CDH13: variants seen among roughly 807,000 people sequenced by gnomAD.
CDH13 encodes cadherin-13.
A neutral mutation model predicts 63.8 loss-of-function variants in CDH13; 24 were observed. That is an observed-to-expected ratio of 0.38 (90% CI 0.27 to 0.53). The LOEUF is 0.53. Among genes scored for constraint, CDH13 ranks in the 20% least tolerant of loss-of-function variants. The pLI is 0.85. For missense variants in CDH13, 1,049 were observed against 903.1 expected, an observed-to-expected ratio of 1.16 and a Z score of -2.07; for synonymous variants, 503 against 355.3, an observed-to-expected ratio of 1.42 and a Z score of -4.67.
intron 3 of CDH13, among the ~76,000 whole-genome samples, chr16:83,120,386 T>C (rs7198052): frequency 6.6e-6 from 1 of 151,964 alleles, no homozygotes; most frequent in Admixed American, 6.5e-5. Context: ...TATCACCCAT[T>C]TGTGGGTATG....
chr16:82,792,018 C>A (rs558243937), intron 1 of CDH13, among the ~76,000 whole-genome samples: 9 of 152,274 alleles, frequency 5.9e-5, no homozygotes, highest in East Asian at 5.8e-4. Flanking sequence ...GGTGGGGACA[C>A]AAAGGCTTTC....
intron 1 of CDH13, among the ~76,000 whole-genome samples, chr16:82,641,741 C>G (rs1376472732): frequency 1.3e-5 from 2 of 152,208 alleles, no homozygotes; most frequent in African/African-American, 2.4e-5. Flanking sequence ...TATTACTCAG[C>G]ACTGACTGAG....
At chr16:83,483,466 CTTTT>C (rs11327354) in intron 6 of CDH13, among the ~76,000 whole-genome samples, 2 of 147,044 alleles carry the variant, frequency 1.4e-5, no homozygotes, top group East Asian at 2.0e-4. Context: ...CCTGAAAGGT[CTTTT>C]TTTTTTTTTT....
chr16:83,027,670 A>G (rs1483493580), intron 2 of CDH13, among the ~76,000 whole-genome samples: 3 of 152,106 alleles, frequency 2.0e-5, no homozygotes, highest in Admixed American at 6.6e-5. Context: ...CAACAGGAGA[A>G]TCCAAGGCTT....
chr16:83,231,260 C>T (rs1382359980), intron 5 of CDH13, among the ~76,000 whole-genome samples: 1 of 152,124 alleles, frequency 6.6e-6, no homozygotes, highest in East Asian at 1.9e-4. Flanking sequence ...ATGCCGGTAC[C>T]CTGGGGTGAT....
chr16:82,680,494 A>G (rs942977894), intron 1 of CDH13, among the ~76,000 whole-genome samples: 2 of 152,024 alleles, frequency 1.3e-5, no homozygotes, highest in African/African-American at 2.4e-5. Flanking sequence ...AGTGGGGCTA[A>G]CACAGAAGTG....
At chr16:83,306,757 A>C (rs2089890132) in intron 5 of CDH13, among the ~76,000 whole-genome samples, 1 of 152,156 alleles carries the variant, frequency 6.6e-6, no homozygotes, top group Non-Finnish European at 1.5e-5. Flanking sequence ...AAGCCATGAT[A>C]AGAAATGTGG....
chr16:83,031,980 G>T (rs1434065292), intron 2 of CDH13, 30 bp from the exon 3 acceptor site: 2 of 1,537,330 alleles, frequency 1.3e-6, no homozygotes, highest in Non-Finnish European at 8.8e-7. Flanking sequence ...ACCTACTCAT[G>T]CTCCTTCTGT....
At chr16:82,731,756 T>G (rs1203403120) in intron 1 of CDH13, among the ~76,000 whole-genome samples, 1 of 152,264 alleles carries the variant, frequency 6.6e-6, no homozygotes, top group Non-Finnish European at 1.5e-5. Flanking sequence ...ATTTACAATA[T>G]AGAAAATTGT....
chr16:83,300,755 C>T (rs549552268), intron 5 of CDH13, among the ~76,000 whole-genome samples: 10 of 152,310 alleles, frequency 6.6e-5, no homozygotes, highest in African/African-American at 1.9e-4. Context: ...ATGATTTATG[C>T]AGTTTATATA....
chr16:83,450,327 C>T (rs541175014), intron 6 of CDH13, among the ~76,000 whole-genome samples: 1 of 152,266 alleles, frequency 6.6e-6, no homozygotes, highest in South Asian at 2.1e-4. Context: ...ATTTGAAGTA[C>T]GTGGTCCCTG....
At chr16:83,629,725 G>A (rs559927588) in intron 8 of CDH13, among the ~76,000 whole-genome samples, 4 of 152,216 alleles carry the variant, frequency 2.6e-5, no homozygotes, top group South Asian at 2.1e-4. Context: ...TAATATCCTC[G>A]ACACAATTTA....
chr16:83,444,046 T>C (rs965685964), intron 6 of CDH13, among the ~76,000 whole-genome samples: 1 of 150,848 alleles, frequency 6.6e-6, no homozygotes, highest in Non-Finnish European at 1.5e-5. Context: ...GTGATGATGA[T>C]GGGCTGATGA....
intron 3 of CDH13, among the ~76,000 whole-genome samples, chr16:83,119,596 A>G (rs564015183): frequency 1.2e-4 from 19 of 152,328 alleles, no homozygotes; most frequent in African/African-American, 4.1e-4. Flanking sequence ...TGAATTGATT[A>G]CATTATTTTT....
intron 8 of CDH13, among the ~76,000 whole-genome samples, chr16:83,619,544 G>C (rs1473260919): frequency 6.6e-6 from 1 of 152,236 alleles, no homozygotes; most frequent in Non-Finnish European, 1.5e-5. Context: ...TGGAGGCTGG[G>C]AGAGAGAATT....
intron 6 of CDH13, among the ~76,000 whole-genome samples, chr16:83,388,487 G>C (rs1026845463): frequency 4.6e-5 from 7 of 152,038 alleles, no homozygotes; most frequent in Non-Finnish European, 8.8e-5. Flanking sequence ...TGATCAACGA[G>C]ATTTGATGAT....
chr16:83,224,839 A>T (rs1364447969), intron 5 of CDH13, among the ~76,000 whole-genome samples: 3 of 152,188 alleles, frequency 2.0e-5, no homozygotes, highest in Admixed American at 2.0e-4. Flanking sequence ...CAGCCCAGTC[A>T]CTTAGTAAGT....
chr16:82,704,827 G>C lies in CDH13; in HGVS notation c.45+77690G>C, dbSNP rs148059365. On this transcript the variant is annotated intron_variant, in intron 1 of 13. Transcript: ENST00000567109. ...TGGCCAGAATAATATTTACATCGTG[G>C]ATTTGTATGAAATAAATAGGATAAT... 3.5e-3 allele frequency among the ~76,000 whole-genome samples: 527 copies of C among 152,272 alleles called. 4 individuals are homozygous for C. Among genetic ancestry groups the C allele is most frequent in the African/African-American group, 0.012 (486 of 41,560 alleles).
intron 6 of CDH13, among the ~76,000 whole-genome samples, chr16:83,385,138 C>T (rs755733317): frequency 2.0e-5 from 3 of 152,176 alleles, no homozygotes; most frequent in South Asian, 4.1e-4. Flanking sequence ...TTTTTGCAAA[C>T]ATTTCATCCT....
Sources: allele counts gnomAD v4.1 joint callset (sites outside exome capture counted in the v4.1 genomes callset), GRCh38; gene constraint gnomAD v4.1.1; transcripts MANE v1.5; gene names NCBI Gene and HGNC (gene_info 2026-07-23, HGNC 2026-07-21).